The following FOXN3 variants were observed in gnomAD, a reference collection of about 807,000 sequenced individuals.
FOXN3 encodes forkhead box protein N3.
A neutral mutation model predicts 38.4 loss-of-function variants in FOXN3; 7 were observed. The observed-to-expected ratio is 0.18, with a 90% CI of 0.10 to 0.34. FOXN3 has a LOEUF of 0.34. Ranked by LOEUF, FOXN3 falls within the 10% of genes least tolerant of loss-of-function variation. FOXN3 has a pLI of 1.00. For missense variants in FOXN3, 456 were observed against 613.4 expected (o/e 0.74, Z 2.71); for synonymous variants, 230 against 242.2 (o/e 0.95, Z 0.47).
chr14:89,236,624 A>G (rs1350556237), intron 4 of FOXN3, among the ~76,000 whole-genome samples: 1 of 152,206 alleles, frequency 6.6e-6, no homozygotes, highest in Non-Finnish European at 1.5e-5. Flanking sequence ...AGCTAACAGT[A>G]AGCCAGAAGG....
chr14:89,282,215 A>G (rs6575052), intron 3 of FOXN3, among the ~76,000 whole-genome samples: 59,216 of 152,028 alleles, frequency 0.39, 11,804 homozygotes, highest in African/African-American at 0.49. Flanking sequence ...GCTATCCCAC[A>G]TCAAAATCAT....
At chr14:89,480,571 G>T (rs1893305984) in intron 1 of FOXN3, among the ~76,000 whole-genome samples, 1 of 150,428 alleles carries the variant, frequency 6.6e-6, no homozygotes. Context: ...TTTCTCCATT[G>T]TATTCATTCA....
intron 3 of FOXN3, among the ~76,000 whole-genome samples, chr14:89,284,267 C>A (rs1313668996): frequency 6.6e-6 from 1 of 152,080 alleles, no homozygotes; most frequent in African/African-American, 2.4e-5. Context: ...CCCCTTGCCT[C>A]ATCCTCCCAA....
intron 4 of FOXN3, among the ~76,000 whole-genome samples, chr14:89,258,515 A>G (rs1410596261): frequency 6.6e-6 from 1 of 152,190 alleles, no homozygotes; most frequent in Non-Finnish European, 1.5e-5. Flanking sequence ...CCTGGAACAC[A>G]ACAGGCCAGG....
chr14:89,473,926 G>C (rs1016022483), intron 1 of FOXN3, among the ~76,000 whole-genome samples: 1 of 150,768 alleles, frequency 6.6e-6, no homozygotes, highest in African/African-American at 2.4e-5. Flanking sequence ...ATTCTCCCAC[G>C]CTAAAAAAAA....
intron 1 of FOXN3, among the ~76,000 whole-genome samples, chr14:89,533,609 C>T (rs1019604580): frequency 1.6e-5 from 2 of 125,250 alleles, no homozygotes; most frequent in Admixed American, 2.1e-4. Flanking sequence ...TTGCAGTGAG[C>T]GGAGATCGCA....
chr14:89,196,048 C>T (rs905407977), intron 4 of FOXN3, among the ~76,000 whole-genome samples: 3 of 152,192 alleles, frequency 2.0e-5, no homozygotes, highest in Non-Finnish European at 4.4e-5. Context: ...TGTTACTTCT[C>T]CTCTGGACCG....
intron 1 of FOXN3, among the ~76,000 whole-genome samples, chr14:89,448,855 C>T (rs55756231): frequency 0.44 from 66,643 of 151,378 alleles, 14,672 homozygotes; most frequent in Admixed American, 0.49. Context: ...GGTGGGAGGA[C>T]CAATTGAGCC....
chr14:89,490,349 G>A (rs1005345741), intron 1 of FOXN3, among the ~76,000 whole-genome samples: 18 of 152,170 alleles, frequency 1.2e-4, no homozygotes, highest in Non-Finnish European at 2.5e-4. Context: ...GTTGGATGAC[G>A]GTGTTTACAT....
At chr14:89,556,494 T>C (rs1461151195) in intron 1 of FOXN3, among the ~76,000 whole-genome samples, 4 of 149,688 alleles carry the variant, frequency 2.7e-5, no homozygotes, top group Non-Finnish European at 4.4e-5. Flanking sequence ...GTATTGAGGG[T>C]GGAGGGGAAT....
chr14:89,450,177 G>C (rs1892587102), intron 1 of FOXN3, among the ~76,000 whole-genome samples: 1 of 152,180 alleles, frequency 6.6e-6, no homozygotes, highest in African/African-American at 2.4e-5. Context: ...CTCTGCTCTT[G>C]CAAGTCTGCC....
rs563512864 is a variant in FOXN3, at chr14:89,412,739, G to A, written c.-14-249C>T. On this transcript the variant is annotated intron_variant, in intron 1 of 5. Transcript: ENST00000557258. This position sits in a 1 kb window ranked among gnomAD's most constrained non-coding sequence, Gnocchi z 4.7. ...ACCTGATGCCCCTTAAATAAAATAA[G>A]ACCAGTAACACCGGCCAGGCACGGT... Among the ~76,000 whole-genome samples the A allele has an allele frequency of 6.6e-6, 1 of 152,252 alleles. No homozygotes were observed. Among genetic ancestry groups the A allele is most frequent in the African/African-American group, 2.4e-5 (1 of 41,550 alleles).
chr14:89,176,654 C>T (rs1887527007), intron 5 of FOXN3, among the ~76,000 whole-genome samples: 1 of 152,230 alleles, frequency 6.6e-6, no homozygotes, highest in Non-Finnish European at 1.5e-5. Flanking sequence ...TTGGGTTCCA[C>T]TGACATGTGG....
chr14:89,346,462 T>C (rs997045658), intron 3 of FOXN3, among the ~76,000 whole-genome samples: 2 of 152,164 alleles, frequency 1.3e-5, no homozygotes, highest in Non-Finnish European at 2.9e-5. Flanking sequence ...GATCAAGTTA[T>C]TTTTGTAGAA....
chr14:89,585,246 C>T (rs564508385), intron 1 of FOXN3, among the ~76,000 whole-genome samples: 1 of 152,248 alleles, frequency 6.6e-6, no homozygotes, highest in East Asian at 1.9e-4. Flanking sequence ...TTCTATTGAT[C>T]CTTCAAGTCC....
intron 1 of FOXN3, among the ~76,000 whole-genome samples, chr14:89,546,329 C>CTTTTTTTTTCTTTTTTTT (rs1894880091): frequency 6.4e-5 from 5 of 78,328 alleles, no homozygotes; most frequent in East Asian, 3.7e-4. Flanking sequence ...TTTCCTTTTT[C>CTTTTTTTTTCTTTTTTTT]TTTTTTTTTT....
intron 1 of FOXN3, among the ~76,000 whole-genome samples, chr14:89,485,826 C>CT (rs1893433100): frequency 6.6e-6 from 1 of 152,144 alleles, no homozygotes; most frequent in Non-Finnish European, 1.5e-5. Flanking sequence ...CCCTCACTGC[C>CT]TGGGCTCATG....
intron 2 of FOXN3, among the ~76,000 whole-genome samples, chr14:89,357,921 T>C (rs56259415): frequency 0.013 from 1,917 of 152,288 alleles, 36 homozygotes; most frequent in African/African-American, 0.044. Flanking sequence ...TATACCCTCA[T>C]TGACCCCAAC....
chr14:89,334,435 C>A (rs925212925), intron 3 of FOXN3, among the ~76,000 whole-genome samples: 1 of 152,034 alleles, frequency 6.6e-6, no homozygotes, highest in Non-Finnish European at 1.5e-5. Context: ...CATGGCAAAA[C>A]CCTGTCTCTA....
Sources: allele counts gnomAD v4.1 joint callset (sites outside exome capture counted in the v4.1 genomes callset), GRCh38; gene constraint gnomAD v4.1.1; non-coding constraint Gnocchi (gnomAD v3.1); transcripts MANE v1.5; gene names NCBI Gene and HGNC (gene_info 2026-07-23, HGNC 2026-07-21).